LAMB4: variants seen among roughly 807,000 people sequenced by gnomAD.
LAMB4 encodes the protein laminin subunit beta 4.
A neutral mutation model predicts 199.2 loss-of-function variants in LAMB4; 196 were observed. The ratio of observed to expected loss-of-function variants is 0.98; its 90% confidence interval spans 0.88 to 1.11. The LOEUF (loss-of-function observed/expected upper bound fraction) is 1.11. Among genes scored for constraint, LAMB4 ranks in the 50% least tolerant of loss-of-function variants. The pLI is 0.00. For synonymous variants in LAMB4, 744 were observed against 770.6 expected, an observed-to-expected ratio of 0.97 and a Z score of 0.57; for missense variants, 2,080 against 2,171.2, an observed-to-expected ratio of 0.96 and a Z score of 0.83.
chr7:108,116,426 A>G (rs996637056), intron 2 of LAMB4, among the ~76,000 whole-genome samples: 1 of 152,176 alleles, frequency 6.6e-6, no homozygotes, highest in African/African-American at 2.4e-5. Flanking sequence ...AAATGTGTTG[A>G]ACTGAACTCC....
At chr7:108,106,676 C>A in intron 6 of LAMB4, 104 bp from the exon 7 acceptor site, 1 of 649,338 alleles carries the variant, frequency 1.5e-6, no homozygotes, top group Non-Finnish European at 2.7e-6. Context: ...GAAATCTTAC[C>A]ACTTCAGCCT....
intron 25 of LAMB4, among the ~76,000 whole-genome samples, chr7:108,054,557 T>G (rs1207315499): frequency 6.6e-6 from 1 of 152,150 alleles, no homozygotes; most frequent in Non-Finnish European, 1.5e-5. Context: ...ATAAGCACAC[T>G]TTTGGAGTTC....
At chr7:108,053,583 G>C (rs898062606) in intron 25 of LAMB4, among the ~76,000 whole-genome samples, 1 of 152,222 alleles carries the variant, frequency 6.6e-6, no homozygotes, top group Non-Finnish European at 1.5e-5. Flanking sequence ...TTAAAGAGAA[G>C]TAGGAGTTTG....
downstream of LAMB4, among the ~76,000 whole-genome samples, chr7:108,021,014 A>T (rs142171400): frequency 2.1e-3 from 321 of 152,368 alleles, 1 homozygote; most frequent in African/African-American, 7.3e-3. Flanking sequence ...CAGTAGAGAA[A>T]GCAGATCTTA....
intron 27 of LAMB4, among the ~76,000 whole-genome samples, chr7:108,048,783 G>C (rs1411408238): frequency 6.6e-6 from 1 of 151,990 alleles, no homozygotes; most frequent in Non-Finnish European, 1.5e-5. Flanking sequence ...ACCTCCACCT[G>C]CCAGGTTCAA....
At chr7:108,031,331 C>CAAAA (rs60572529) in intron 31 of LAMB4, among the ~76,000 whole-genome samples, 1 of 14,942 alleles carries the variant, frequency 6.7e-5, no homozygotes, top group African/African-American at 3.1e-4. Flanking sequence ...TCAACAATAA[C>CAAAA]AAAAAAAAAA....
intron 17 of LAMB4, 135 bp downstream of exon 17, chr7:108,076,809 G>A (rs2036719094): frequency 1.2e-5 from 11 of 880,438 alleles, no homozygotes; most frequent in Non-Finnish European, 1.8e-5. Flanking sequence ...AAGATTTGCA[G>A]ATGCTATTAG....
At chr7:108,050,442 C>T (rs569965615) in intron 26 of LAMB4, among the ~76,000 whole-genome samples, 1 of 152,292 alleles carries the variant, frequency 6.6e-6, no homozygotes, top group Non-Finnish European at 1.5e-5. Flanking sequence ...GGGTGTTTGA[C>T]TCCAGAGCCT....
intron 9 of LAMB4, 114 bp downstream of exon 9, chr7:108,104,385 G>A (rs1174587870): frequency 7.9e-7 from 1 of 1,259,324 alleles, no homozygotes; most frequent in Non-Finnish European, 1.1e-6. Flanking sequence ...TAGGAGCTGG[G>A]AGGACAGCCT....
At chr7:108,062,319 G>C (rs1262205257) in intron 23 of LAMB4, 4 of 152,276 alleles carry the variant, frequency 2.6e-5, no homozygotes, top group African/African-American at 9.6e-5. Context: ...AAGTCAAGAA[G>C]ACTTCTTATT....
rs769692500 is a variant in LAMB4, at chr7:108,103,107, G to A, written c.1117C>T (p.Arg373Cys). The part of the protein sequence containing the change: ...QHNTEGQHCD[R>C]CRPLFYRDPL... ...TCCCTGTAGAAGAGGGGTCTGCAGC[G>A]GTCGCAGTGCTGCCCCTCAGTGTTG... is the stretch of plus-strand genomic sequence containing the variant. The change falls in exon 10 of 34, where the codon CGC becomes TGC. Residue 373 changes from arginine to cysteine, a missense_variant. Arg to Cys is a radical substitution (Grantham distance 180, BLOSUM62 -3). Coordinates refer to ENST00000388781, the MANE Select transcript of LAMB4 (RefSeq NM_007356.3). 4 of 1,613,700 alleles carry A rather than the reference G, an allele frequency of 2.5e-6. No homozygotes were observed. The highest frequency in any genetic ancestry group is 1.7e-5 in the Admixed American group (1 of 60,018).
At chr7:108,124,062 T>C (rs2038694516) in intron 1 of LAMB4, among the ~76,000 whole-genome samples, 1 of 152,134 alleles carries the variant, frequency 6.6e-6, no homozygotes, top group Admixed American at 6.5e-5. Context: ...TTGCCCAGGC[T>C]GGAGTACAGT....
chr7:108,024,289 T>C, intron 33 of LAMB4, 111 bp from the exon 34 acceptor site: 1 of 550,254 alleles, frequency 1.8e-6, no homozygotes, highest in South Asian at 4.4e-5. Flanking sequence ...ATATATTTAG[T>C]TTTCTGTTTG....
In LAMB4 at chr7:108,030,919, G is replaced by T. The variant is rs751379705; in HGVS notation, c.4879C>A (p.Leu1627Met). The T allele has an allele frequency of 2.5e-6, 4 of 1,613,936 alleles. No individual in the cohort carries two copies. Among genetic ancestry groups the T allele is most frequent in the Non-Finnish European group, 2.5e-6 (3 of 1,179,940 alleles). The change falls in exon 32 of 34, where the codon CTG becomes ATG. Residue 1627 changes from leucine (L) to methionine (M), a missense_variant. Physicochemically the swap from Leu to Met is conservative, Grantham distance 15. Coordinates refer to ENST00000388781, the MANE Select transcript of LAMB4 (RefSeq NM_007356.3). ...TGCAGCAGGGAAAGTCCATCCTCCAGCCCTGATCGCTGCTTTGCTAACTCC... is the reference window on the plus strand; with the variant it reads ...TGCAGCAGGGAAAGTCCATCCTCCATCCCTGATCGCTGCTTTGCTAACTCC... ...ELELAKQRSG[L>M]EDGLSLLQTK... is the part of the protein sequence containing the mutation.
chr7:108,105,996 T>TA lies in LAMB4; in HGVS notation c.690dup (p.Thr231TyrfsTer17). 1 of 1,614,062 alleles carries TA rather than the reference T, an allele frequency of 6.2e-7. No individual in the cohort carries two copies. Among genetic ancestry groups the TA allele is most frequent in the Non-Finnish European group, 8.5e-7 (1 of 1,179,974 alleles). ...GCATCCCCAAGGGTGTGGAGCTTGGTAAAGTTTATCCTCAGGTTTGTCAAT... is the reference window on the plus strand; with the variant it reads ...GCATCCCCAAGGGTGTGGAGCTTGGTAAAAGTTTATCCTCAGGTTTGTCAAT... On this transcript the variant is annotated frameshift_variant, in exon 8 of 34. Transcript: ENST00000388781. LOFTEE classifies it high-confidence loss of function.
intron 6 of LAMB4, 88 bp from the exon 7 acceptor site, chr7:108,106,660 G>A (rs2038028202): frequency 1.3e-6 from 1 of 754,300 alleles, no homozygotes; most frequent in East Asian, 3.0e-5. Context: ...AACCTCCCAG[G>A]CCCAAGAAAT....
chr7:108,088,768 A>G (rs2150602935), intron 14 of LAMB4, among the ~76,000 whole-genome samples: 1 of 152,314 alleles, frequency 6.6e-6, no homozygotes. Context: ...CTGTTAGATT[A>G]AGTTTGTAAG....
chr7:108,129,631 A>G (rs1000219926), intron 1 of LAMB4, among the ~76,000 whole-genome samples: 38 of 150,902 alleles, frequency 2.5e-4, no homozygotes, highest in African/African-American at 9.0e-4. Flanking sequence ...TCAACCTCCC[A>G]TGCTTAAGCA....
At chr7:108,121,651 G>A (rs1200741785) in intron 2 of LAMB4, among the ~76,000 whole-genome samples, 1 of 151,934 alleles carries the variant, frequency 6.6e-6, no homozygotes, top group Non-Finnish European at 1.5e-5. Context: ...TCGGGAGGCT[G>A]AGGCAGGAGA....
Sources: allele counts gnomAD v4.1 joint callset (sites outside exome capture counted in the v4.1 genomes callset), GRCh38; gene constraint gnomAD v4.1.1; transcripts MANE v1.5; gene names NCBI Gene and HGNC (gene_info 2026-07-23, HGNC 2026-07-21).